Variants in DPP10 observed in about 807,000 individuals in gnomAD.
DPP10 encodes dipeptidyl peptidase like 10.
In DPP10, 33 loss-of-function variants were observed where a neutral mutation model predicts 120.9. The observed-to-expected ratio is 0.27, with a 90% CI of 0.21 to 0.37. DPP10 has a LOEUF of 0.37. Ranked by LOEUF, DPP10 falls within the 10% of genes least tolerant of loss-of-function variation. DPP10 has a pLI of 1.00. For synonymous variants in DPP10, 337 were observed against 326.1 expected, an observed-to-expected ratio of 1.03 and a Z score of -0.36; for missense variants, 816 against 942.8, an observed-to-expected ratio of 0.87 and a Z score of 1.76.
intron 1 of DPP10, among the ~76,000 whole-genome samples, chr2:115,128,888 T>C (rs182159866): frequency 6.6e-6 from 1 of 152,338 alleles, no homozygotes; most frequent in African/African-American, 2.4e-5. Context: ...TCAACACTTA[T>C]GAGTTCATGG....
chr2:115,255,589 A>C (rs2058948549), intron 1 of DPP10, among the ~76,000 whole-genome samples: 1 of 152,210 alleles, frequency 6.6e-6, no homozygotes. Flanking sequence ...CCAAACTTTT[A>C]CGCTCTGCTT....
chr2:114,548,968 T>A (rs890805632), intron 1 of DPP10, among the ~76,000 whole-genome samples: 12 of 152,224 alleles, frequency 7.9e-5, no homozygotes, highest in African/African-American at 2.7e-4. Flanking sequence ...AGGATGGGGC[T>A]GCCTCTTAAG....
intron 1 of DPP10, among the ~76,000 whole-genome samples, chr2:114,560,838 G>T (rs1371383297): frequency 6.6e-6 from 1 of 152,172 alleles, no homozygotes; most frequent in Non-Finnish European, 1.5e-5. Context: ...TCTATAAATG[G>T]GTCCACAAGC....
rs753410418 is a variant in DPP10, at chr2:115,689,879, C to T, written c.534C>T (p.Ser178=). 19 of 1,613,692 alleles carry T rather than the reference C, an allele frequency of 1.2e-5. No individual in the cohort carries two copies. In the East Asian group the frequency reaches 2.5e-4, roughly 21 times the overall value. Residue 178 remains serine (S), a synonymous_variant, in exon 7 of 26, where the codon TCC becomes TCT. Transcript: ENST00000410059. ...WELNPPEVED[S]VLQYAAWGVQ... is the part of the protein sequence containing the mutation. ...TAAATCCTCCAGAAGTAGAGGACTC[C>T]GTCTTGCAGTACGCGGCCTGGGGTG...
At chr2:115,254,671 A>G (rs1027448358) in intron 1 of DPP10, among the ~76,000 whole-genome samples, 3 of 152,238 alleles carry the variant, frequency 2.0e-5, no homozygotes, top group African/African-American at 7.2e-5. Context: ...GAGTGCAGAC[A>G]TTGGGTAAAT....
At chr2:114,827,920 C>T (rs895896941) in intron 1 of DPP10, among the ~76,000 whole-genome samples, 2 of 152,142 alleles carry the variant, frequency 1.3e-5, no homozygotes, top group African/African-American at 4.8e-5. Flanking sequence ...CAAGTTTCAC[C>T]ATTTTCTTTT....
chr2:115,178,571 A>G (rs938148203), intron 1 of DPP10, among the ~76,000 whole-genome samples: 5 of 152,198 alleles, frequency 3.3e-5, no homozygotes, highest in African/African-American at 1.2e-4. Context: ...AAAGAAAATA[A>G]ATTGATGGTT....
intron 1 of DPP10, among the ~76,000 whole-genome samples, chr2:114,568,365 T>C (rs1689373066): frequency 6.6e-6 from 1 of 152,182 alleles, no homozygotes; most frequent in African/African-American, 2.4e-5. Flanking sequence ...GTATAGTCAC[T>C]CGTGAATGGA....
intron 1 of DPP10, among the ~76,000 whole-genome samples, chr2:114,568,589 C>T (rs372893781): frequency 1.5e-4 from 23 of 152,292 alleles, no homozygotes; most frequent in African/African-American, 5.3e-4. Flanking sequence ...CCTCTGTCCT[C>T]GGATCTGACC....
chr2:115,450,514 A>G (rs1303881954), intron 3 of DPP10, among the ~76,000 whole-genome samples: 1 of 151,992 alleles, frequency 6.6e-6, no homozygotes. Context: ...ACATCAAAAT[A>G]TAAGGTACAA....
At chr2:115,228,243 G>T (rs1034724169) in intron 1 of DPP10, among the ~76,000 whole-genome samples, 1 of 151,876 alleles carries the variant, frequency 6.6e-6, no homozygotes, top group Non-Finnish European at 1.5e-5. Context: ...CACTGCACCC[G>T]GCCCTATACA....
intron 5 of DPP10, among the ~76,000 whole-genome samples, chr2:115,628,195 T>G: frequency 6.6e-6 from 1 of 152,162 alleles, no homozygotes; most frequent in East Asian, 1.9e-4. Context: ...TTTCTTAAAT[T>G]TTTAATAATC....
chr2:114,523,028 T>A (rs1685203656), intron 1 of DPP10, among the ~76,000 whole-genome samples: 1 of 152,154 alleles, frequency 6.6e-6, no homozygotes, highest in Admixed American at 6.6e-5. Flanking sequence ...ATTGGGGGTG[T>A]CTTAGGTTAG....
rs1474303736 is a variant in DPP10 at position 114,786,309 on chromosome 2, C to CT, written c.60+343474dup. On this transcript the variant is annotated intron_variant, in intron 1 of 25. Coordinates refer to ENST00000410059, the MANE Select transcript of DPP10 (RefSeq NM_020868.6). The stretch of plus-strand genomic sequence containing the variant: ...GATTTGTGTTTGGTGCAACTTACTT[C>CT]TTTAGAAGGACACATATTCTCAAGG... 3.3e-5 allele frequency among the ~76,000 whole-genome samples: 5 copies of CT among 152,156 alleles called. No individual in the cohort carries two copies. In the East Asian group the frequency reaches 9.6e-4, roughly 29 times the overall value.
intron 1 of DPP10, among the ~76,000 whole-genome samples, chr2:114,914,024 A>T (rs558424230): frequency 1.9e-4 from 29 of 149,662 alleles, no homozygotes; most frequent in African/African-American, 7.2e-4. Flanking sequence ...CAAACAAATT[A>T]AAAAAATAAT....
intron 1 of DPP10, among the ~76,000 whole-genome samples, chr2:115,244,554 G>T (rs1252272455): frequency 6.6e-6 from 1 of 151,718 alleles, no homozygotes; most frequent in African/African-American, 2.4e-5. Context: ...AGTAATAGTT[G>T]TGAACACTTC....
At position 114,515,015 on chromosome 2, in the gene DPP10, T is replaced by C. The variant is rs971969339; in HGVS notation, c.60+72177T>C. Among the ~76,000 whole-genome samples, 4 of 152,216 alleles carry C rather than the reference T, an allele frequency of 2.6e-5. 1 individual carries two copies. In the South Asian group the frequency reaches 8.3e-4, roughly 32 times the overall value. On this transcript the variant is annotated intron_variant, in intron 1 of 25. Coordinates refer to ENST00000410059, the MANE Select transcript of DPP10 (RefSeq NM_020868.6). ...AGCATGCTTCAGTACAGTTTGTAGC[T>C]ATTTGCTTAACTGAAATCTAGGTAC... is the stretch of plus-strand genomic sequence containing the variant.
intron 2 of DPP10, among the ~76,000 whole-genome samples, chr2:115,333,365 G>A (rs2062878861): frequency 6.6e-6 from 1 of 152,068 alleles, no homozygotes; most frequent in Non-Finnish European, 1.5e-5. Flanking sequence ...GATGTGTCTT[G>A]TCTCTTTATC....
intron 3 of DPP10, among the ~76,000 whole-genome samples, chr2:115,447,895 A>G (rs1414776772): frequency 6.6e-6 from 1 of 152,222 alleles, no homozygotes; most frequent in East Asian, 1.9e-4. Context: ...CTTGGGTAGG[A>G]TGGCAGTAAT....
Sources: gnomAD v4.1 joint callset for allele counts (sites outside exome capture counted in the v4.1 genomes callset) on GRCh38, gnomAD v4.1.1 for gene constraint, MANE v1.5 for transcripts, NCBI Gene and HGNC (gene_info 2026-07-23, HGNC 2026-07-21) for gene names.